SHISA9: variants seen among roughly 807,000 people sequenced by gnomAD.
SHISA9 encodes shisa family member 9.
A neutral mutation model predicts 38.0 loss-of-function variants in SHISA9; 13 were observed. The observed-to-expected ratio is 0.34, with a 90% confidence interval of 0.22 to 0.54. The LOEUF is 0.54. Ranked by LOEUF, SHISA9 falls within the 20% of genes least tolerant of loss-of-function variation. SHISA9 has a pLI of 0.91. For synonymous variants in SHISA9, 275 were observed against 242.0 expected (o/e 1.14, Z -1.27); for missense variants, 538 against 575.8 (o/e 0.93, Z 0.67).
chr16:13,029,903 T>C (rs2072970701), intron 2 of SHISA9, among the ~76,000 whole-genome samples: 2 of 152,190 alleles, frequency 1.3e-5, no homozygotes, highest in African/African-American at 2.4e-5. Flanking sequence ...TCAGCTCTGC[T>C]TCTTCCTTAC....
chr16:13,218,843 A>G (rs2051195625), intron 4 of SHISA9, among the ~76,000 whole-genome samples: 1 of 152,210 alleles, frequency 6.6e-6, no homozygotes, highest in Admixed American at 6.5e-5. Flanking sequence ...TTACAGTTCC[A>G]TTGGAGTGCA....
At chr16:13,112,335 A>G (rs1350963579) in intron 2 of SHISA9, among the ~76,000 whole-genome samples, 2 of 152,128 alleles carry the variant, frequency 1.3e-5, no homozygotes, top group East Asian at 3.9e-4. Context: ...AGAAAGCAAG[A>G]AAAAAGGAAG....
chr16:12,981,728 G>A (rs1479221968), intron 2 of SHISA9, among the ~76,000 whole-genome samples: 3 of 152,038 alleles, frequency 2.0e-5, no homozygotes, highest in African/African-American at 2.4e-5. Flanking sequence ...GACTATATTC[G>A]GAGACAGGGT....
At chr16:12,961,869 T>C (rs1336887629) in intron 2 of SHISA9, among the ~76,000 whole-genome samples, 1 of 152,226 alleles carries the variant, frequency 6.6e-6, no homozygotes, top group African/African-American at 2.4e-5. Context: ...CACACACACC[T>C]GCTACAGCTG....
At chr16:13,120,250 G>A (rs2074072366) in intron 2 of SHISA9, among the ~76,000 whole-genome samples, 1 of 152,108 alleles carries the variant, frequency 6.6e-6, no homozygotes, top group Non-Finnish European at 1.5e-5. Context: ...AACCCCATGG[G>A]GCTGTTGATA....
chr16:13,167,063 C>CTTTTT (rs765999078), intron 2 of SHISA9, among the ~76,000 whole-genome samples: 3 of 119,920 alleles, frequency 2.5e-5, no homozygotes, highest in Admixed American at 8.5e-5. Context: ...CTCTCTCTCT[C>CTTTTT]TCTTTTTTCT....
At chr16:13,105,009 C>G (rs758478813) in intron 2 of SHISA9, among the ~76,000 whole-genome samples, 5 of 152,096 alleles carry the variant, frequency 3.3e-5, no homozygotes, top group Non-Finnish European at 5.9e-5. Context: ...GGCGTAAATA[C>G]TACTTCATAG....
intron 2 of SHISA9, among the ~76,000 whole-genome samples, chr16:12,972,463 G>A (rs2072097853): frequency 1.3e-5 from 2 of 152,290 alleles, no homozygotes; most frequent in South Asian, 4.1e-4. Context: ...ATAATGAGGT[G>A]AGGGATGTTG....
chr16:13,175,351 T>A (rs1236154678), intron 2 of SHISA9, among the ~76,000 whole-genome samples: 2 of 152,168 alleles, frequency 1.3e-5, no homozygotes, highest in African/African-American at 2.4e-5. Context: ...GGCAACAGAA[T>A]GAGACTCCCT....
intron 2 of SHISA9, among the ~76,000 whole-genome samples, chr16:12,951,285 C>T (rs922735800): frequency 1.5e-5 from 2 of 132,958 alleles, no homozygotes; most frequent in East Asian, 2.6e-4. Context: ...GTTGAACTTA[C>T]ACACCTGGCT....
intron 2 of SHISA9, among the ~76,000 whole-genome samples, chr16:13,198,402 A>G (rs1428206249): frequency 6.6e-6 from 1 of 152,184 alleles, no homozygotes; most frequent in Non-Finnish European, 1.5e-5. Context: ...TTGTATGTGT[A>G]TGTACATATG....
rs73518731 is a variant in SHISA9 at position 13,066,190 on chromosome 16, G to A, written c.692-137204G>A. 4.7e-3 allele frequency among the ~76,000 whole-genome samples: 718 copies of A among 152,222 alleles called. 8 individuals are homozygous for A. Among genetic ancestry groups the A allele is most frequent in the African/African-American group, 0.017 (686 of 41,530 alleles). The stretch of plus-strand genomic sequence containing the variant: ...GATGCATGGAGATGGCACTTTTCTC[G>A]GCCTGGGTCCCTGCGTGACTACAGT... On this transcript the variant is annotated intron_variant, in intron 2 of 4. Coordinates refer to ENST00000558583, the MANE Select transcript of SHISA9 (RefSeq NM_001145204.3).
the SHISA9 span, among the ~76,000 whole-genome samples, chr16:13,487,250 CTG>C: frequency 3.3e-5 from 5 of 152,226 alleles, no homozygotes; most frequent in African/African-American, 1.2e-4. Context: ...ATACATATCT[CTG>C]TGTGTTAGGC....
At chr16:13,453,883 G>C in the SHISA9 span, among the ~76,000 whole-genome samples, 1 of 152,188 alleles carries the variant, frequency 6.6e-6, no homozygotes, top group Non-Finnish European at 1.5e-5. Context: ...ACTGTCTTTA[G>C]AACATGAATT....
At chr16:13,100,675 G>A (rs531010573) in intron 2 of SHISA9, among the ~76,000 whole-genome samples, 1 of 152,262 alleles carries the variant, frequency 6.6e-6, no homozygotes, top group South Asian at 2.1e-4. Context: ...CTTAAAAACA[G>A]AGAAATACTA....
chr16:12,996,259 G>T (rs1410079933), intron 2 of SHISA9, among the ~76,000 whole-genome samples: 1 of 152,042 alleles, frequency 6.6e-6, no homozygotes, highest in East Asian at 1.9e-4. Context: ...AAACCGAGAG[G>T]CTTTATATAA....
At chr16:12,921,473 A>C (rs1042085498) in intron 2 of SHISA9, among the ~76,000 whole-genome samples, 1 of 152,150 alleles carries the variant, frequency 6.6e-6, no homozygotes, top group Non-Finnish European at 1.5e-5. Flanking sequence ...GTATTTTAAC[A>C]TATTTGGGAG....
At chr16:13,537,471 T>A in the SHISA9 span, among the ~76,000 whole-genome samples, 5 of 150,818 alleles carry the variant, frequency 3.3e-5, no homozygotes, top group Non-Finnish European at 5.9e-5. Context: ...GAAGAAAAAA[T>A]TAGAATAAAT....
chr16:12,902,850 G>A, intron 1 of SHISA9: 2 of 295,304 alleles, frequency 6.8e-6, no homozygotes, highest in Non-Finnish European at 1.2e-5. Context: ...GTGTGTGAGC[G>A]TGTGTGTGTG....
Sources: allele counts gnomAD v4.1 joint callset (sites outside exome capture counted in the v4.1 genomes callset), GRCh38; gene constraint gnomAD v4.1.1; transcripts MANE v1.5; gene names NCBI Gene and HGNC (gene_info 2026-07-23, HGNC 2026-07-21).